Variants in ABCA13 observed in about 807,000 individuals in gnomAD.
ABCA13 encodes ATP-binding cassette sub-family A member 13.
ABCA13 carries 476 observed loss-of-function variants against 478.7 expected under a neutral mutation model. The observed-to-expected ratio is 0.99, with a 90% CI of 0.92 to 1.07. The LOEUF is 1.07. ABCA13 is among the 50% of genes least tolerant of loss of function. ABCA13 has a pLI of 0.00. For missense variants in ABCA13, 6,060 were observed against 5,910.6 expected, an observed-to-expected ratio of 1.03 and a Z score of -0.83; for synonymous variants, 2,252 against 2,158.9, an observed-to-expected ratio of 1.04 and a Z score of -1.20.
intron 35 of ABCA13, among the ~76,000 whole-genome samples, chr7:48,382,956 T>C (rs563298126): frequency 7.6e-4 from 115 of 152,282 alleles, no homozygotes; most frequent in African/African-American, 2.6e-3. Context: ...GTTCCAGATC[T>C]AGGTGACTTC....
chr7:48,405,311 A>T (rs1349003485), intron 39 of ABCA13, among the ~76,000 whole-genome samples: 1 of 152,202 alleles, frequency 6.6e-6, no homozygotes, highest in Admixed American at 6.5e-5. Flanking sequence ...CAAGGTGGGG[A>T]GGCAGGCAGT....
At chr7:48,498,315 T>C (rs1215526041) in intron 48 of ABCA13, among the ~76,000 whole-genome samples, 1 of 152,170 alleles carries the variant, frequency 6.6e-6, no homozygotes, top group African/African-American at 2.4e-5. Flanking sequence ...TTTTTTATTT[T>C]TGGGAGCCTT....
In ABCA13 at chr7:48,352,156, T is replaced by C. The variant is rs748849053; in HGVS notation, c.10382-25T>C. 2.5e-6 allele frequency: 4 copies of C among 1,585,010 alleles called. No individual in the cohort carries two copies. The Admixed American group carries it at 6.8e-5, about 27-fold the overall frequency. On this transcript the variant is annotated intron_variant, in intron 30 of 61. Transcript: ENST00000435803. ...GCCACTCCCTACAGTGTGGTAATGC[T>C]TCGTTTTTCCTTTTCTGCCACTAGG...
intron 54 of ABCA13, among the ~76,000 whole-genome samples, chr7:48,527,877 A>G (rs1032021809): frequency 2.4e-4 from 36 of 152,188 alleles, no homozygotes; most frequent in Non-Finnish European, 4.4e-4. Context: ...GAGAATAATA[A>G]TTATAATGAT....
At chr7:48,440,062 C>T (rs1217350825) in intron 42 of ABCA13, among the ~76,000 whole-genome samples, 2 of 152,088 alleles carry the variant, frequency 1.3e-5, no homozygotes, top group Non-Finnish European at 2.9e-5. Flanking sequence ...AATGTTTTTC[C>T]TTACCTTTAC....
chr7:48,521,218 A>G (rs1317034844), intron 53 of ABCA13, among the ~76,000 whole-genome samples: 2 of 152,144 alleles, frequency 1.3e-5, no homozygotes, highest in Non-Finnish European at 2.9e-5. Context: ...CCCATACCCA[A>G]GTGGCCTGAA....
Position 48,552,179 on chromosome 7 carries a change from TA to T in ABCA13, c.14354+23843del, listed in dbSNP as rs1027575298. On this transcript the variant is annotated intron_variant, in intron 55 of 61. Coordinates refer to ENST00000435803, the MANE Select transcript of ABCA13 (RefSeq NM_152701.5). Reference sequence around the variant, plus strand: ...CTGTTGTTCTCATTCTGGAGGGCCTTAAAAAAAAAGTTACAATTTTATCTCA... The same window carrying T: ...CTGTTGTTCTCATTCTGGAGGGCCTTAAAAAAAAGTTACAATTTTATCTCA... 1.4e-4 allele frequency among the ~76,000 whole-genome samples: 21 copies of T among 150,852 alleles called. 1 individual carries two copies. Among genetic ancestry groups the T allele is most frequent in the East Asian group, 9.7e-4 (5 of 5,166 alleles).
At position 48,604,152 on chromosome 7, in the gene ABCA13, G is replaced by A. The variant is rs544516435; in HGVS notation, c.14744+9339G>A. 4.4e-4 allele frequency among the ~76,000 whole-genome samples: 67 copies of A among 152,000 alleles called. 2 individuals are homozygous for A. In the South Asian group the frequency reaches 0.011, roughly 25 times the overall value. ...TCTTTATTAATCTGGCTAGTAGTCT[G>A]TCTATTTTGTTGATCTTTTCAAAAA... On this transcript the variant is annotated intron_variant, in intron 58 of 61. Coordinates refer to ENST00000435803, the MANE Select transcript of ABCA13 (RefSeq NM_152701.5).
At chr7:48,607,033 G>A (rs753693956) in intron 58 of ABCA13, among the ~76,000 whole-genome samples, 16 of 152,184 alleles carry the variant, frequency 1.1e-4, no homozygotes, top group Non-Finnish European at 2.2e-4. Context: ...TGAAGCCTCA[G>A]CAAGGACGGA....
intron 57 of ABCA13, among the ~76,000 whole-genome samples, chr7:48,591,605 T>TTGGATAG (rs1789753206): frequency 6.6e-6 from 1 of 152,028 alleles, no homozygotes; most frequent in Admixed American, 6.5e-5. Context: ...TCAATCCATG[T>TTGGATAG]ACATGGATAG....
intron 48 of ABCA13, among the ~76,000 whole-genome samples, chr7:48,504,199 G>A (rs1244947791): frequency 6.6e-6 from 1 of 152,152 alleles, no homozygotes; most frequent in Non-Finnish European, 1.5e-5. Context: ...TAGCAATCCA[G>A]CTTTTCAAAT....
rs149173294 is a variant in ABCA13 at position 48,314,540 on chromosome 7, C to A, written c.9859+131C>A. The A allele has an allele frequency of 9.6e-5, 81 of 841,584 alleles. No homozygotes were observed. The African/African-American group carries it at 1.4e-3, about 15-fold the overall frequency. 52.1% of individuals were successfully genotyped at this position (841,584 alleles called of 1,614,324 possible). On this transcript the variant is annotated intron_variant, in intron 26 of 61. Transcript: ENST00000435803. ...CTGGCATAGAATCTTCTGCTTCCAC[C>A]TCCCCAAATGCTGGCATGGCAGCTG...
intron 9 of ABCA13, 82 bp from the exon 10 acceptor site, chr7:48,240,785 G>A (rs978973959): frequency 9.4e-5 from 108 of 1,148,258 alleles, no homozygotes; most frequent in Non-Finnish European, 1.2e-4. Flanking sequence ...ATCTAGAGTG[G>A]TATGTTAATA....
intron 15 of ABCA13, among the ~76,000 whole-genome samples, chr7:48,250,482 C>T (rs531882709): frequency 8.5e-5 from 13 of 152,304 alleles, no homozygotes; most frequent in African/African-American, 1.2e-4. Flanking sequence ...GGCTATCCAG[C>T]GCCTCTAGTC....
chr7:48,374,238 C>G (rs541379502), intron 33 of ABCA13, 109 bp from the exon 34 acceptor site: 175 of 951,318 alleles, frequency 1.8e-4, no homozygotes, highest in Non-Finnish European at 2.5e-4. Flanking sequence ...TGGGCGTCAT[C>G]AGAATGAAAA....
At position 48,222,152 on chromosome 7, in the gene ABCA13, T is replaced by C. The variant is rs564812017; in HGVS notation, c.468+843T>C. On this transcript the variant is annotated intron_variant, in intron 5 of 61. Coordinates refer to ENST00000435803, the MANE Select transcript of ABCA13 (RefSeq NM_152701.5). ...GAATGTCAGTGCATCCATTAAATAA[T>C]GACACTAGCAAAGAGTATTGAACAA... Among the ~76,000 whole-genome samples the C allele has an allele frequency of 3.3e-5, 5 of 152,292 alleles. No individual in the cohort carries two copies. The South Asian group carries it at 1.0e-3, about 32-fold the overall frequency.
At chr7:48,625,129 T>C (rs755520617) in intron 59 of ABCA13, among the ~76,000 whole-genome samples, 1 of 152,202 alleles carries the variant, frequency 6.6e-6, no homozygotes, top group Non-Finnish European at 1.5e-5. Flanking sequence ...AGGCAGAATC[T>C]TGTTTGAGCT....
At chr7:48,391,307 A>G (rs1816009628) in intron 37 of ABCA13, among the ~76,000 whole-genome samples, 1 of 152,220 alleles carries the variant, frequency 6.6e-6, no homozygotes, top group Non-Finnish European at 1.5e-5. Context: ...TATCATCTTA[A>G]AGTCCCATAC....
At chr7:48,291,910 C>T (rs1378182335) in intron 20 of ABCA13, among the ~76,000 whole-genome samples, 2 of 152,138 alleles carry the variant, frequency 1.3e-5, no homozygotes, top group Non-Finnish European at 2.9e-5. Flanking sequence ...GGCACTTTCC[C>T]TGGGCTCCTC....
Sources: gnomAD v4.1 joint callset for allele counts (sites outside exome capture counted in the v4.1 genomes callset) on GRCh38, gnomAD v4.1.1 for gene constraint, MANE v1.5 for transcripts, NCBI Gene and HGNC (gene_info 2026-07-23, HGNC 2026-07-21) for gene names.